SFI1: variants seen among roughly 807,000 people sequenced by gnomAD.
The protein encoded by SFI1 is protein SFI1 homolog.
Under a neutral mutation model 207.5 loss-of-function variants are expected in SFI1, and 195 were observed. That is an observed-to-expected ratio of 0.94 (90% confidence interval 0.84 to 1.06). The LOEUF (loss-of-function observed/expected upper bound fraction) is 1.06, where lower values mean the gene tolerates loss of function less well. Among genes scored for constraint, SFI1 ranks in the 50% least tolerant of loss-of-function variants. SFI1 has a pLI of 0.00. For missense variants in SFI1, 1,634 were observed against 1,588.0 expected (o/e 1.03, Z -0.49); for synonymous variants, 630 against 598.9 (o/e 1.05, Z -0.76).
intron 15 of SFI1, among the ~76,000 whole-genome samples, chr22:31,596,711 G>C (rs549413116): frequency 6.7e-6 from 1 of 150,144 alleles, no homozygotes; most frequent in South Asian, 2.1e-4. Context: ...TTGAACCTAG[G>C]AGGTGGAGAT....
intron 9 of SFI1, among the ~76,000 whole-genome samples, chr22:31,573,455 G>C (rs1030195926): frequency 1.2e-5 from 1 of 82,948 alleles, no homozygotes; most frequent in East Asian, 3.3e-4. Context: ...TTTTTTTTTT[G>C]AGATGGAGTT....
Position 31,508,266 on chromosome 22 carries a change from A to C in SFI1, c.-19A>C, listed in dbSNP as rs752821384. On this transcript the variant is annotated 5_prime_UTR_variant, in exon 2 of 33. Transcript: ENST00000400288. ...TCTTTTTCTTGTAGTTAGAAGGGGA[A>C]GATAAAAGACTTTGATTCATGAAGA... The C allele has an allele frequency of 6.5e-7, 1 of 1,543,724 alleles. No individual in the cohort carries two copies. Among genetic ancestry groups the C allele is most frequent in the African/African-American group, 1.4e-5 (1 of 73,432 alleles).
intron 4 of SFI1, among the ~76,000 whole-genome samples, 176 bp downstream of exon 4, chr22:31,531,305 T>G (rs562499365): frequency 8.1e-4 from 123 of 152,278 alleles, no homozygotes; most frequent in Non-Finnish European, 1.5e-3. Context: ...TCATATCTGT[T>G]AGTTGACTGC....
intron 2 of SFI1, among the ~76,000 whole-genome samples, chr22:31,522,611 T>G (rs182774749): frequency 6.6e-6 from 1 of 152,334 alleles, no homozygotes; most frequent in African/African-American, 2.4e-5. Flanking sequence ...TGTGTCTGGC[T>G]TATTTCAGTT....
At chr22:31,548,352 T>G (rs1278842312) in intron 5 of SFI1, among the ~76,000 whole-genome samples, 4 of 151,962 alleles carry the variant, frequency 2.6e-5, no homozygotes, top group Admixed American at 2.6e-4. Context: ...GGTGGATCAC[T>G]TGACGTTAGG....
chr22:31,530,489 CAAAAAAA>C lies in SFI1; in HGVS notation c.267-551_267-545del, dbSNP rs3069094. ...TGGGCGACAGAGCAAAACTCTGTCT[CAAAAAAA>C]AAAAAAAAAAAAAAAAAGACAAGCC... On this transcript the variant is annotated intron_variant, in intron 3 of 32. Coordinates refer to ENST00000400288, the MANE Select transcript of SFI1 (RefSeq NM_001007467.3). 74 of 114,000 alleles carry C rather than the reference CAAAAAAA, an allele frequency of 6.5e-4. No individual in the cohort carries two copies. The Middle Eastern group carries it at 0.01, about 16-fold the overall frequency. The allele number at this position is 114,000 out of a possible 1,614,324, so 7.1% of individuals were successfully genotyped here. A position where few individuals can be genotyped will look rare whatever the true frequency, so the allele number is the denominator to read the frequency against.
Position 31,596,275 on chromosome 22 carries a change from CTCTA to C in SFI1, c.1545-5929_1545-5926del, listed in dbSNP as rs907892173. Among the ~76,000 whole-genome samples the C allele has an allele frequency of 1.8e-4, 28 of 151,890 alleles. No homozygotes were observed. In the South Asian group the frequency reaches 3.3e-3, roughly 18 times the overall value. ...TCTCAAAATAAATATCTCTCTCTCTCTCTATCTATCTGTCTATCCATCTGGAGGG... is the reference window on the plus strand; with the variant it reads ...TCTCAAAATAAATATCTCTCTCTCTCTCTATCTGTCTATCCATCTGGAGGG... On this transcript the variant is annotated intron_variant, in intron 15 of 32. Transcript: ENST00000400288.
chr22:31,584,839 T>C (rs1256761474), intron 13 of SFI1, among the ~76,000 whole-genome samples: 2 of 152,054 alleles, frequency 1.3e-5, no homozygotes, highest in African/African-American at 4.8e-5. Flanking sequence ...GGTGGTCTAA[T>C]TAGGTTTTAC....
intron 29 of SFI1, chr22:31,615,668 C>T (rs1301163033): frequency 1.1e-5 from 2 of 177,542 alleles, no homozygotes; most frequent in Non-Finnish European, 2.3e-5. Context: ...AGGCTGTGGT[C>T]ACCATGACCA....
chr22:31,505,726 A>G (rs2054532214), intron 1 of SFI1, among the ~76,000 whole-genome samples: 1 of 149,570 alleles, frequency 6.7e-6, no homozygotes, highest in Non-Finnish European at 1.5e-5. Flanking sequence ...CTCTACAAAT[A>G]ATAAAAAATA....
intron 6 of SFI1, among the ~76,000 whole-genome samples, chr22:31,552,857 T>A (rs77193776): frequency 4.7e-5 from 7 of 150,314 alleles, no homozygotes; most frequent in Non-Finnish European, 8.9e-5. Flanking sequence ...TTTTTTTTTT[T>A]AAAGACAGGG....
chr22:31,579,978 G>A (rs2063920351), intron 11 of SFI1: 1 of 254,110 alleles, frequency 3.9e-6, no homozygotes, highest in African/African-American at 2.2e-5. Flanking sequence ...GAATTGTCAT[G>A]TGGGTCATGG....
intron 7 of SFI1, chr22:31,559,579 A>C (rs1340498450): frequency 1.6e-6 from 1 of 634,618 alleles, no homozygotes; most frequent in Admixed American, 2.1e-5. Context: ...CATCACTGCC[A>C]TTAAGGATGT....
intron 2 of SFI1, among the ~76,000 whole-genome samples, chr22:31,513,606 C>T (rs2055984772): frequency 1.4e-5 from 1 of 72,282 alleles, no homozygotes; most frequent in African/African-American, 6.6e-5. Flanking sequence ...TAGACAGAGT[C>T]TTGCTCTGTC....
At chr22:31,574,957 G>A (rs1403536468) in intron 9 of SFI1, among the ~76,000 whole-genome samples, 1 of 151,938 alleles carries the variant, frequency 6.6e-6, no homozygotes. Context: ...AACTTGGGAG[G>A]CTGAGGCAGG....
At position 31,543,690 on chromosome 22, in the gene SFI1, G is replaced by T. The variant is rs11913515; in HGVS notation, c.339-3171G>T. ...CTGGGCATGGTGGCACACGCCTGTA[G>T]TCCCAGCTACTCTGGAGGCTGAGGC... On this transcript the variant is annotated intron_variant, in intron 4 of 32. Coordinates refer to ENST00000400288, the MANE Select transcript of SFI1 (RefSeq NM_001007467.3). Among the ~76,000 whole-genome samples the T allele has an allele frequency of 5.5e-3, 842 of 151,798 alleles. 11 individuals carry two copies. The highest frequency in any genetic ancestry group is 0.02 in the African/African-American group (816 of 41,398).
At chr22:31,561,879 T>C (rs2061742408) in intron 8 of SFI1, among the ~76,000 whole-genome samples, 1 of 152,234 alleles carries the variant, frequency 6.6e-6, no homozygotes, top group Admixed American at 6.5e-5. Flanking sequence ...TCTTATCCTT[T>C]GACATATTCT....
In SFI1 at chr22:31,528,756, T is replaced by G; in HGVS notation, c.159T>G (p.Ser53=). ...SAKTLSNKKS[S]ASFGIRRELP... ...AGACACTGTCCAACAAGAAGTCTTC[T>G]GCATCCTTTGGGATCCGGAGGGAGT... Residue 53 remains serine (S), a synonymous_variant, in exon 3 of 33, where the codon TCT becomes TCG. Transcript: ENST00000400288. 1 of 1,614,212 alleles carries G rather than the reference T, an allele frequency of 6.2e-7. No individual in the cohort carries two copies. The highest frequency in any genetic ancestry group is 8.5e-7 in the Non-Finnish European group (1 of 1,180,020).
chr22:31,542,334 T>C (rs1043501082), intron 4 of SFI1, among the ~76,000 whole-genome samples: 2 of 151,234 alleles, frequency 1.3e-5, no homozygotes, highest in African/African-American at 4.9e-5. Context: ...GTGCTATAAA[T>C]ACATAAAAAT....
Sources: gnomAD v4.1 joint callset for allele counts (sites outside exome capture counted in the v4.1 genomes callset) on GRCh38, gnomAD v4.1.1 for gene constraint, MANE v1.5 for transcripts, NCBI Gene and HGNC (gene_info 2026-07-23, HGNC 2026-07-21) for gene names.